TRIM67: variants seen among roughly 807,000 people sequenced by gnomAD.
TRIM67 encodes the protein tripartite motif-containing protein 67.
TRIM67 carries 39 observed loss-of-function variants against 71.0 expected under a neutral mutation model. That is an observed-to-expected ratio of 0.55 (90% CI 0.43 to 0.72). The LOEUF (loss-of-function observed/expected upper bound fraction) is 0.72, where lower values mean the gene tolerates loss of function less well. Ranked by LOEUF, TRIM67 falls within the 30% of genes least tolerant of loss-of-function variation. The pLI is 0.00. For synonymous variants in TRIM67, 481 were observed against 473.9 expected, an observed-to-expected ratio of 1.01 and a Z score of -0.19; for missense variants, 973 against 1,079.2, an observed-to-expected ratio of 0.90 and a Z score of 1.38.
rs1684066591 is a variant in TRIM67 at position 231,218,340 on chromosome 1, A to G, written c.*2900A>G. The G allele has an allele frequency of 3.0e-6, 3 of 986,234 alleles. No homozygotes were observed. The highest frequency in any genetic ancestry group is 6.1e-5 in the Admixed American group (1 of 16,402). The allele number at this position is 986,234 out of a possible 1,614,324, so 61.1% of individuals were successfully genotyped here. A position where few individuals can be genotyped will look rare whatever the true frequency, so the allele number is the denominator to read the frequency against. ...CTGAGGAGTAACTTGGTGTAAATCT[A>G]TCAAGCAGTTTCAGTGAAAAAGGAA... is the stretch of plus-strand genomic sequence containing the variant. On this transcript the variant is annotated 3_prime_UTR_variant, in exon 10 of 10. Transcript: ENST00000366653.
At chr1:231,210,536 C>A (rs1683838796) in intron 8 of TRIM67, among the ~76,000 whole-genome samples, 2 of 151,290 alleles carry the variant, frequency 1.3e-5, no homozygotes, top group Non-Finnish European at 2.9e-5. Flanking sequence ...CCCTCCCACC[C>A]ACAGAGGGGC....
At chr1:231,181,286 G>A (rs1682899441) in intron 1 of TRIM67, among the ~76,000 whole-genome samples, 1 of 152,190 alleles carries the variant, frequency 6.6e-6, no homozygotes, top group Non-Finnish European at 1.5e-5. Context: ...AAGAGCAAGG[G>A]TGTGTTTGGG....
intron 1 of TRIM67, among the ~76,000 whole-genome samples, chr1:231,167,618 G>A (rs1571867038): frequency 9.4e-6 from 1 of 106,308 alleles, no homozygotes; most frequent in Non-Finnish European, 1.7e-5. Flanking sequence ...CACCGCGCCC[G>A]GCCGTCTTTT....
At chr1:231,213,336 G>T (rs1025709347) in intron 8 of TRIM67, among the ~76,000 whole-genome samples, 2 of 152,144 alleles carry the variant, frequency 1.3e-5, no homozygotes, top group African/African-American at 4.8e-5. Context: ...TGTTAACAAG[G>T]TGTGTCCACT....
Position 231,216,689 on chromosome 1 carries a change from A to G in TRIM67, c.*1249A>G. The G allele has an allele frequency of 1.0e-6, 1 of 985,522 alleles. No individual in the cohort carries two copies. Among genetic ancestry groups the G allele is most frequent in the Non-Finnish European group, 1.2e-6 (1 of 829,996 alleles). The allele number at this position is 985,522 out of a possible 1,614,324, so 61.0% of individuals were successfully genotyped here. On this transcript the variant is annotated 3_prime_UTR_variant, in exon 10 of 10. Coordinates refer to ENST00000366653, the MANE Select transcript of TRIM67 (RefSeq NM_001004342.5). ...CAGGTACCTTGTCTCCCAGCTTCCC[A>G]CTGTGAGACTGGGTGTGCCGAGTCT...
chr1:231,209,349 G>A lies in TRIM67; in HGVS notation c.2123+99G>A. 6 of 1,319,386 alleles carry A rather than the reference G, an allele frequency of 4.5e-6. No homozygotes were observed. Among genetic ancestry groups the A allele is most frequent in the Non-Finnish European group, 6.1e-6 (6 of 990,666 alleles). The allele number at this position is 1,319,386 out of a possible 1,614,324, so 81.7% of individuals were successfully genotyped here. ...CTTCTGCTGTCCCCAAAGCCAGGAG[G>A]AATTGAGAGGAGGTATTTTCAGCCA... On this transcript the variant is annotated intron_variant, in intron 8 of 9. Transcript: ENST00000366653. This position sits in a 1 kb window ranked among gnomAD's most constrained non-coding sequence, Gnocchi z 4.1.
intron 1 of TRIM67, chr1:231,185,119 G>C: frequency 6.5e-7 from 1 of 1,532,904 alleles, no homozygotes. Context: ...TCCTAAATCC[G>C]AGTTGCTGGC....
At position 231,216,177 on chromosome 1, in the gene TRIM67, C is replaced by T. The variant is rs1346438893; in HGVS notation, c.*737C>T. ...CTCTTTCTCTCTTCTTCTCTCTCTC[C>T]TTCCTTCCCTCCTTTGCTCTCTCTT... On this transcript the variant is annotated 3_prime_UTR_variant, in exon 10 of 10. Transcript: ENST00000366653. 2.1e-6 allele frequency: 2 copies of T among 950,820 alleles called. No homozygotes were observed. Among genetic ancestry groups the T allele is most frequent in the Non-Finnish European group, 2.5e-6 (2 of 800,052 alleles). 58.9% of individuals were successfully genotyped at this position (950,820 alleles called of 1,614,324 possible). A position where few individuals can be genotyped will look rare whatever the true frequency, so the allele number is the denominator to read the frequency against.
In TRIM67 at chr1:231,163,459, C is replaced by T. The variant is rs1455468458; in HGVS notation, c.490C>T (p.Arg164Cys). ...SSSITCPQCH[R>C]SASLDHRGLR... is the part of the protein sequence containing the mutation. ...CTCCATCACGTGCCCGCAGTGCCAC[C>T]GCAGCGCATCCCTGGACCACCGCGG... Residue 164 changes from arginine (R) to cysteine (C), a missense_variant, in exon 1 of 10, where the codon CGC (arginine) becomes TGC (cysteine). Arg to Cys is a radical substitution (Grantham distance 180). Around this residue, in one of 2 missense-constraint regions of TRIM67, gnomAD observed 795 missense variants for 831.3 expected, o/e 0.96. Coordinates refer to ENST00000366653, the MANE Select transcript of TRIM67 (RefSeq NM_001004342.5). The T allele has an allele frequency of 6.5e-7, 1 of 1,538,898 alleles. No individual in the cohort carries two copies. Among genetic ancestry groups the T allele is most frequent in the Non-Finnish European group, 8.7e-7 (1 of 1,148,578 alleles).
At chr1:231,186,005 G>A in intron 1 of TRIM67, 1 of 1,307,276 alleles carries the variant, frequency 7.6e-7, no homozygotes, top group Non-Finnish European at 1.1e-6. Context: ...GGGTCTTCTG[G>A]AAGATAGGTG....
intron 1 of TRIM67, among the ~76,000 whole-genome samples, chr1:231,169,991 C>CTTTTTTTTTTTTTTTTT (rs1342320930): frequency 6.9e-5 from 9 of 130,168 alleles, no homozygotes; most frequent in East Asian, 4.3e-4. Flanking sequence ...TTTTCTTTCT[C>CTTTTTTTTTTTTTTTTT]TCTTTTTTTT....
chr1:231,184,549 G>A (rs748822865), intron 1 of TRIM67: 4 of 163,448 alleles, frequency 2.4e-5, no homozygotes, highest in Admixed American at 1.2e-4. Flanking sequence ...GTTCACACAG[G>A]CATGTGCCTA....
intron 7 of TRIM67, among the ~76,000 whole-genome samples, 187 bp from the exon 8 acceptor site, chr1:231,208,760 G>A (rs1023232533): frequency 6.6e-6 from 1 of 152,210 alleles, no homozygotes; most frequent in Non-Finnish European, 1.5e-5. Flanking sequence ...ACACAGAGCA[G>A]GGAGTGTGTG....
In TRIM67 at chr1:231,216,547, C is replaced by T. The variant is rs1684017440; in HGVS notation, c.*1107C>T. 3.9e-5 allele frequency: 38 copies of T among 985,532 alleles called. No homozygotes were observed. Among genetic ancestry groups the T allele is most frequent in the Non-Finnish European group, 4.2e-5 (35 of 829,968 alleles). The allele number at this position is 985,532 out of a possible 1,614,324, so 61.0% of individuals were successfully genotyped here. ...GAAAGCCTGTTCTAGTCAGTCCACC[C>T]TATTGTCATTATGAAAGCATCATGA... is the stretch of plus-strand genomic sequence containing the variant. On this transcript the variant is annotated 3_prime_UTR_variant, in exon 10 of 10. Transcript: ENST00000366653.
chr1:231,203,846 T>C, intron 5 of TRIM67, 21 bp from the exon 6 acceptor site: 1 of 1,609,182 alleles, frequency 6.2e-7, no homozygotes, highest in East Asian at 2.2e-5. Context: ...CTGCGCTAAC[T>C]CATGTGTGTC....
chr1:231,192,885 T>C (rs1683270614), intron 1 of TRIM67, among the ~76,000 whole-genome samples: 1 of 152,204 alleles, frequency 6.6e-6, no homozygotes, highest in Non-Finnish European at 1.5e-5. Flanking sequence ...TGTCCCCCTT[T>C]CAGCCAGGCA....
intron 6 of TRIM67, among the ~76,000 whole-genome samples, chr1:231,205,262 G>A (rs1467629230): frequency 6.6e-6 from 1 of 152,186 alleles, no homozygotes; most frequent in African/African-American, 2.4e-5. Context: ...CATGCAGACA[G>A]ACCTGGATTT....
At chr1:231,171,252 G>A (rs1682610422) in intron 1 of TRIM67, among the ~76,000 whole-genome samples, 1 of 152,168 alleles carries the variant, frequency 6.6e-6, no homozygotes, top group Non-Finnish European at 1.5e-5. Flanking sequence ...GGTGCTCAAA[G>A]ACCACCTGGC....
At chr1:231,201,287 T>A in intron 4 of TRIM67, 71 bp from the exon 5 acceptor site, 1 of 1,506,766 alleles carries the variant, frequency 6.6e-7, no homozygotes, top group Non-Finnish European at 8.9e-7. Flanking sequence ...AGTCCCTACC[T>A]CTTCCTCACC....
Sources: gnomAD v4.1 joint callset for allele counts (sites outside exome capture counted in the v4.1 genomes callset) on GRCh38, gnomAD v4.1.1 for gene constraint, gnomAD v4.1.1 regional missense constraint, Gnocchi (gnomAD v3.1) non-coding constraint, MANE v1.5 for transcripts, NCBI Gene and HGNC (gene_info 2026-07-23, HGNC 2026-07-21) for gene names.